Variants in DGCR2 observed in about 807,000 individuals in gnomAD.
The protein encoded by DGCR2 is DiGeorge syndrome critical region gene 2, also known as integral membrane protein DGCR2/IDD.
A neutral mutation model predicts 51.6 loss-of-function variants in DGCR2; 24 were observed. That is an observed-to-expected ratio of 0.47 (90% confidence interval 0.34 to 0.65). The LOEUF (loss-of-function observed/expected upper bound fraction) is 0.65, where lower values mean the gene tolerates loss of function less well. Ranked by LOEUF, DGCR2 falls within the 30% of genes least tolerant of loss-of-function variation. The probability of loss-of-function intolerance (pLI) is 0.01; values close to 1 mark genes in which losing one functional copy is unlikely to be tolerated. For synonymous variants in DGCR2, 340 were observed against 315.4 expected (o/e 1.08, Z -0.82); for missense variants, 765 against 772.1 (o/e 0.99, Z 0.11).
At chr22:19,103,147 G>C (rs1391155785) in intron 1 of DGCR2, among the ~76,000 whole-genome samples, 1 of 152,064 alleles carries the variant, frequency 6.6e-6, no homozygotes, top group East Asian at 1.9e-4. Flanking sequence ...AGACACAAAG[G>C]ACAACATATT....
intron 6 of DGCR2, among the ~76,000 whole-genome samples, chr22:19,051,188 CAAAAAA>C (rs61277487): frequency 5.5e-5 from 3 of 54,860 alleles, no homozygotes; most frequent in African/African-American, 1.1e-4. Context: ...AATTCTGTCA[CAAAAAA>C]AAAAAAAAAA....
At chr22:19,118,631 C>T (rs813229) in intron 1 of DGCR2, among the ~76,000 whole-genome samples, 6,180 of 152,250 alleles carry the variant, frequency 0.041, 146 homozygotes, top group Middle Eastern at 0.11. Flanking sequence ...ACCTTCTAGT[C>T]CTCTACCTTA....
chr22:19,050,061 G>T (rs181569926), intron 6 of DGCR2, among the ~76,000 whole-genome samples: 50 of 152,146 alleles, frequency 3.3e-4, no homozygotes, highest in Middle Eastern at 3.4e-3. Context: ...AAAATTAGTC[G>T]AAGAACTAAC....
At chr22:19,039,156 T>A (rs766372223) in intron 9 of DGCR2, 35 bp from the exon 10 acceptor site, 168 of 1,609,418 alleles carry the variant, frequency 1.0e-4, no homozygotes, top group Non-Finnish European at 1.3e-4. Flanking sequence ...CAGAGGCAGG[T>A]ACGGGCCTGG....
At chr22:19,089,317 C>G in intron 2 of DGCR2, 51 bp downstream of exon 2, 2 of 1,513,522 alleles carry the variant, frequency 1.3e-6, no homozygotes, top group Admixed American at 1.9e-5. Flanking sequence ...AGTCACCCAG[C>G]TACAACAAAG....
intron 6 of DGCR2, chr22:19,056,404 C>T (rs1289578412): frequency 4.3e-6 from 2 of 461,634 alleles, no homozygotes; most frequent in Admixed American, 4.4e-5. Flanking sequence ...AGAACAAAGC[C>T]TCTCCCCAAC....
At position 19,076,698 on chromosome 22, in the gene DGCR2, G is replaced by A. The variant is rs535484758; in HGVS notation, c.203-8473C>T. 3.4e-5 allele frequency among the ~76,000 whole-genome samples: 5 copies of A among 147,704 alleles called. No homozygotes were observed. The South Asian group carries it at 8.8e-4, about 26-fold the overall frequency. On this transcript the variant is annotated intron_variant, in intron 2 of 9. Coordinates refer to ENST00000263196, the MANE Select transcript of DGCR2 (RefSeq NM_005137.3). ...CAGTCATTTGTTTATCTTCTTTGGA[G>A]AAATGTCTACTCAAGTCCTTTGCAC...
At chr22:19,079,579 C>G (rs1309527688) in intron 2 of DGCR2, among the ~76,000 whole-genome samples, 2 of 152,246 alleles carry the variant, frequency 1.3e-5, no homozygotes, top group Admixed American at 6.5e-5. Flanking sequence ...AATAAAGTAA[C>G]TGCTAATTGA....
chr22:19,122,114 A>T lies in DGCR2; in HGVS notation c.79+14T>A. The T allele has an allele frequency of 6.8e-7, 1 of 1,479,528 alleles. No homozygotes were observed. Among genetic ancestry groups the T allele is most frequent in the Non-Finnish European group, 9.0e-7 (1 of 1,112,898 alleles). 91.7% of individuals were successfully genotyped at this position (1,479,528 alleles called of 1,614,324 possible). A position where few individuals can be genotyped will look rare whatever the true frequency, so the allele number is the denominator to read the frequency against. Reference sequence around the variant, plus strand: ...GCCGCCCAGCCCCCACACCGCCCCCATCGCGCGGCGCACCTGGCCGCAGCG... The same window carrying T: ...GCCGCCCAGCCCCCACACCGCCCCCTTCGCGCGGCGCACCTGGCCGCAGCG... On this transcript the variant is annotated intron_variant, in intron 1 of 9. Coordinates refer to ENST00000263196, the MANE Select transcript of DGCR2 (RefSeq NM_005137.3).
chr22:19,116,006 AC>A (rs921590835), intron 1 of DGCR2, among the ~76,000 whole-genome samples: 1 of 152,206 alleles, frequency 6.6e-6, no homozygotes, highest in African/African-American at 2.4e-5. Flanking sequence ...TTTTATACTT[AC>A]CCATTTTAAT....
intron 7 of DGCR2, among the ~76,000 whole-genome samples, chr22:19,042,534 T>C (rs921350185): frequency 8.5e-5 from 13 of 152,176 alleles, no homozygotes; most frequent in Non-Finnish European, 1.8e-4. Context: ...GTCTCATGGA[T>C]GACAGTTGCT....
At chr22:19,095,929 C>T (rs1239695445) in intron 1 of DGCR2, among the ~76,000 whole-genome samples, 1 of 152,108 alleles carries the variant, frequency 6.6e-6, no homozygotes, top group African/African-American at 2.4e-5. Flanking sequence ...ACAGCCTTGG[C>T]CTACCAGATC....
At chr22:19,050,212 C>T (rs954439721) in intron 6 of DGCR2, among the ~76,000 whole-genome samples, 4 of 152,080 alleles carry the variant, frequency 2.6e-5, no homozygotes, top group African/African-American at 4.8e-5. Flanking sequence ...AAAGACAAGG[C>T]GAAAATACGA....
Position 19,037,958 on chromosome 22 carries a change from G to C in DGCR2, c.*907C>G, listed in dbSNP as rs1008456893. On this transcript the variant is annotated 3_prime_UTR_variant, in exon 10 of 10. Coordinates refer to ENST00000263196, the MANE Select transcript of DGCR2 (RefSeq NM_005137.3). ...TCCTGCAATGAAGCAACCCTTTATG[G>C]CACAAATGGGGCCGGGGGCAGGCCC... 6.5e-6 allele frequency: 1 copy of C among 152,982 alleles called. No individual in the cohort carries two copies. The highest frequency in any genetic ancestry group is 2.4e-5 in the African/African-American group (1 of 41,472). The allele number at this position is 152,982 out of a possible 1,614,324, so 9.5% of individuals were successfully genotyped here. A position where few individuals can be genotyped will look rare whatever the true frequency, so the allele number is the denominator to read the frequency against.
chr22:19,056,770 T>C (rs759775634), intron 6 of DGCR2, among the ~76,000 whole-genome samples: 2 of 152,022 alleles, frequency 1.3e-5, no homozygotes, highest in Non-Finnish European at 1.5e-5. Context: ...GAAAAGAAGC[T>C]GGGCTCTAAG....
intron 1 of DGCR2, among the ~76,000 whole-genome samples, chr22:19,104,442 T>C (rs1455858206): frequency 6.6e-6 from 1 of 152,200 alleles, no homozygotes; most frequent in Non-Finnish European, 1.5e-5. Flanking sequence ...GCTGCATAAA[T>C]TGTTTAGAAT....
At chr22:19,050,441 C>T (rs1278148845) in intron 6 of DGCR2, among the ~76,000 whole-genome samples, 1 of 152,208 alleles carries the variant, frequency 6.6e-6, no homozygotes, top group African/African-American at 2.4e-5. Context: ...TTTGCAGATC[C>T]ACCTTATAAG....
At chr22:19,082,956 G>A (rs2082957567) in intron 2 of DGCR2, among the ~76,000 whole-genome samples, 1 of 151,584 alleles carries the variant, frequency 6.6e-6, no homozygotes, top group Non-Finnish European at 1.5e-5. Flanking sequence ...GCATGGTGGT[G>A]CACGCTTGTA....
intron 7 of DGCR2, among the ~76,000 whole-genome samples, chr22:19,042,587 G>A (rs1181099483): frequency 4.6e-5 from 7 of 152,200 alleles, no homozygotes; most frequent in African/African-American, 7.2e-5. Context: ...AGCATGGCTC[G>A]GGCGGCTGCC....
Sources: gnomAD v4.1 joint callset for allele counts (sites outside exome capture counted in the v4.1 genomes callset) on GRCh38, gnomAD v4.1.1 for gene constraint, MANE v1.5 for transcripts, NCBI Gene and HGNC (gene_info 2026-07-23, HGNC 2026-07-21) for gene names.